BANK1: variants seen among roughly 807,000 people sequenced by gnomAD.
BANK1 encodes B cell scaffold protein with ankyrin repeats 1, also known as B-cell scaffold protein with ankyrin repeats.
A neutral mutation model predicts 94.5 loss-of-function variants in BANK1; 95 were observed. The observed-to-expected ratio is 1.00, with a 90% confidence interval of 0.85 to 1.19. BANK1 has a LOEUF of 1.19. Ranked by LOEUF, BANK1 falls within the 50% of genes most tolerant of loss-of-function variation. The probability of loss-of-function intolerance (pLI) is 0.00; values close to 1 mark genes in which losing one functional copy is unlikely to be tolerated. For missense variants in BANK1, 987 were observed against 932.2 expected (o/e 1.06, Z -0.77); for synonymous variants, 334 against 308.4 (o/e 1.08, Z -0.87).
chr4:102,030,176 G>C lies in BANK1; in HGVS notation c.1811G>C (p.Arg604Pro). 6.2e-7 allele frequency: 1 copy of C among 1,613,810 alleles called. No homozygotes were observed. Among genetic ancestry groups the C allele is most frequent in the African/African-American group, 1.3e-5 (1 of 74,944 alleles). ...AGTATAAAGAAAAAAACTGGGAGTC[G>C]GTCTTTCATTATAAATAGACCTCCT... is the stretch of plus-strand genomic sequence containing the variant. Reference protein sequence around the residue: ...NLSIKKKTGSRSFIINRPPAP... With the variant: ...NLSIKKKTGSPSFIINRPPAP... The change falls in exon 10 of 17, where the codon CGG becomes CCG. Residue 604 changes from arginine to proline, a missense_variant. By Grantham distance (103) the Arg-to-Pro change is moderately radical (BLOSUM62 -2). Transcript: ENST00000322953.
chr4:102,019,720 T>C (rs1726826242), intron 7 of BANK1, among the ~76,000 whole-genome samples: 1 of 152,212 alleles, frequency 6.6e-6, no homozygotes, highest in Admixed American at 6.5e-5. Context: ...AGATCTGGCA[T>C]GTTTTTCAAA....
chr4:101,801,058 T>C (rs184414812), intron 1 of BANK1, among the ~76,000 whole-genome samples: 89 of 152,320 alleles, frequency 5.8e-4, no homozygotes, highest in Middle Eastern at 3.4e-3. Flanking sequence ...GCTATAATCT[T>C]ACATGTTTTC....
intron 2 of BANK1, among the ~76,000 whole-genome samples, chr4:101,833,662 T>C (rs2148864864): frequency 6.6e-6 from 1 of 152,332 alleles, no homozygotes; most frequent in South Asian, 2.1e-4. Context: ...TACACCCTCA[T>C]GCTGTATCAT....
At chr4:102,071,356 T>C (rs781588675) in intron 14 of BANK1, 52 bp downstream of exon 14, 1 of 1,532,886 alleles carries the variant, frequency 6.5e-7, no homozygotes, top group African/African-American at 1.4e-5. Context: ...AAGTACAGAG[T>C]AAATCAATTT....
intron 3 of BANK1, among the ~76,000 whole-genome samples, chr4:101,860,432 T>TA (rs1488300867): frequency 2.6e-4 from 38 of 148,420 alleles, no homozygotes; most frequent in African/African-American, 9.6e-4. Context: ...CTTTTTTTTT[T>TA]ATTTTTATTT....
At chr4:101,843,430 T>C (rs1727132197) in intron 2 of BANK1, among the ~76,000 whole-genome samples, 1 of 152,244 alleles carries the variant, frequency 6.6e-6, no homozygotes, top group Non-Finnish European at 1.5e-5. Context: ...CTCTGGGATG[T>C]ATTTTCCCAT....
chr4:102,073,622 G>T (rs944206466), intron 15 of BANK1, 62 bp from the exon 16 acceptor site: 16 of 1,481,402 alleles, frequency 1.1e-5, no homozygotes, highest in African/African-American at 1.4e-5. Flanking sequence ...ATATTTCTTT[G>T]TTCAACCTTA....
At chr4:101,807,697 T>G (rs1207888042) in intron 1 of BANK1, among the ~76,000 whole-genome samples, 1 of 152,130 alleles carries the variant, frequency 6.6e-6, no homozygotes. Context: ...ATAGGTGGTG[T>G]TATCCACGTG....
At chr4:101,834,354 A>G (rs1726744655) in intron 2 of BANK1, among the ~76,000 whole-genome samples, 1 of 152,214 alleles carries the variant, frequency 6.6e-6, no homozygotes, top group Non-Finnish European at 1.5e-5. Context: ...ATTGGAAAAT[A>G]TAACCATCTT....
intron 7 of BANK1, among the ~76,000 whole-genome samples, chr4:101,928,062 T>C (rs12331595): frequency 0.43 from 64,559 of 151,484 alleles, 15,095 homozygotes; most frequent in South Asian, 0.55. Context: ...TATATTTGTA[T>C]GTGCATATTT....
At chr4:101,909,537 A>G (rs1050692005) in intron 6 of BANK1, among the ~76,000 whole-genome samples, 2 of 152,178 alleles carry the variant, frequency 1.3e-5, no homozygotes, top group Non-Finnish European at 2.9e-5. Context: ...AACTTAAAGT[A>G]TAACACACAC....
chr4:102,009,584 C>T (rs890344544), intron 7 of BANK1, among the ~76,000 whole-genome samples: 4 of 152,132 alleles, frequency 2.6e-5, no homozygotes, highest in African/African-American at 9.7e-5. Context: ...CTTGTAAATG[C>T]TTGCTTACTT....
chr4:101,902,283 A>G (rs539612876), intron 6 of BANK1, among the ~76,000 whole-genome samples: 8 of 152,336 alleles, frequency 5.3e-5, no homozygotes, highest in Non-Finnish European at 1.0e-4. Flanking sequence ...ATCATTATCT[A>G]CAAGATGCAA....
At chr4:102,073,548 G>A in intron 15 of BANK1, 136 bp from the exon 16 acceptor site, 1 of 677,590 alleles carries the variant, frequency 1.5e-6, no homozygotes, top group East Asian at 3.0e-5. Flanking sequence ...ATGGAAGATT[G>A]TCTTGCCAGT....
At chr4:101,873,543 GT>G (rs1289181455) in intron 5 of BANK1, among the ~76,000 whole-genome samples, 1 of 152,124 alleles carries the variant, frequency 6.6e-6, no homozygotes, top group Non-Finnish European at 1.5e-5. Flanking sequence ...CAAAATGAGC[GT>G]TCTGTGAATT....
At position 102,030,076 on chromosome 4, in the gene BANK1, C is replaced by A. The variant is rs1408633607; in HGVS notation, c.1711C>A (p.Gln571Lys). ...EKEKKEEEKE[Q>K]EEEEDPYTFA... ...AGAGAAGAAAGAAGAGGAAAAAGAG[C>A]AGGAGGAGGAAGAAGACCCATATAC... is the stretch of plus-strand genomic sequence containing the variant. Residue 571 changes from glutamine (Q) to lysine (K), a missense_variant, in exon 10 of 17, where the codon CAG becomes AAG. By Grantham distance (53) the Gln-to-Lys change is moderately conservative. Transcript: ENST00000322953. 2 of 1,613,626 alleles carry A rather than the reference C, an allele frequency of 1.2e-6. No individual in the cohort carries two copies. Among genetic ancestry groups the A allele is most frequent in the Non-Finnish European group, 1.7e-6 (2 of 1,179,776 alleles).
intron 7 of BANK1, among the ~76,000 whole-genome samples, chr4:102,010,005 G>T (rs759106204): frequency 6.6e-6 from 1 of 152,140 alleles, no homozygotes; most frequent in Non-Finnish European, 1.5e-5. Context: ...CGTGGCTCAC[G>T]CCTGTAATCC....
chr4:101,911,604 A>G (rs949656050), intron 6 of BANK1, among the ~76,000 whole-genome samples: 1 of 152,164 alleles, frequency 6.6e-6, no homozygotes, highest in Non-Finnish European at 1.5e-5. Context: ...AATGGTAACC[A>G]GGTTAACCAT....
chr4:101,837,630 A>C (rs1369831447), intron 2 of BANK1, among the ~76,000 whole-genome samples: 2 of 152,142 alleles, frequency 1.3e-5, no homozygotes, highest in Non-Finnish European at 2.9e-5. Context: ...TATATTAATC[A>C]ATTTATCTTT....
Sources: allele counts gnomAD v4.1 joint callset (sites outside exome capture counted in the v4.1 genomes callset), GRCh38; gene constraint gnomAD v4.1.1; transcripts MANE v1.5; gene names NCBI Gene and HGNC (gene_info 2026-07-23, HGNC 2026-07-21).